Variants in SLC28A3 observed in about 807,000 individuals in gnomAD.
The protein encoded by SLC28A3 is solute carrier family 28 member 3, also known as concentrative Na(+)-nucleoside cotransporter 3.
SLC28A3 carries 68 observed loss-of-function variants against 84.2 expected under a neutral mutation model. The ratio of observed to expected loss-of-function variants is 0.81; its 90% CI spans 0.66 to 0.99. SLC28A3 has a LOEUF of 0.99. Among genes scored for constraint, SLC28A3 ranks in the 50% least tolerant of loss-of-function variants. The probability of loss-of-function intolerance (pLI) is 0.00; values close to 1 mark genes in which losing one functional copy is unlikely to be tolerated. For synonymous variants in SLC28A3, 267 were observed against 303.6 expected, an observed-to-expected ratio of 0.88 and a Z score of 1.25; for missense variants, 712 against 841.5, an observed-to-expected ratio of 0.85 and a Z score of 1.90.
chr9:84,349,105 G>C, the SLC28A3 span, among the ~76,000 whole-genome samples: 1 of 152,166 alleles, frequency 6.6e-6, no homozygotes, highest in Admixed American at 6.5e-5. Context: ...CAAAAAAGGA[G>C]TCAGCAAAGG....
At chr9:84,306,210 C>T (rs1005629234) in intron 3 of SLC28A3, among the ~76,000 whole-genome samples, 14 of 152,174 alleles carry the variant, frequency 9.2e-5, no homozygotes, top group African/African-American at 3.4e-4. Context: ...CCATTGTCCC[C>T]TCCAGGCCAC....
At chr9:84,360,897 T>C in the SLC28A3 span, among the ~76,000 whole-genome samples, 1 of 151,876 alleles carries the variant, frequency 6.6e-6, no homozygotes, top group African/African-American at 2.4e-5. Context: ...GAGCAAGACC[T>C]TGTCTCAAAA....
intron 15 of SLC28A3, 37 bp downstream of exon 15, chr9:84,280,764 C>G (rs374149371): frequency 2.1e-5 from 33 of 1,601,196 alleles, no homozygotes; most frequent in Non-Finnish European, 2.8e-5. Context: ...ATGTCTATGG[C>G]ACATCTGTGT....
In SLC28A3 at chr9:84,295,722, C is replaced by T. The variant is rs74691273; in HGVS notation, c.862-1447G>A. Among the ~76,000 whole-genome samples the T allele has an allele frequency of 8.5e-3, 1,301 of 152,266 alleles. 25 individuals are homozygous for T. Among genetic ancestry groups the T allele is most frequent in the African/African-American group, 0.03 (1,254 of 41,536 alleles). ...GAGAGCAGTTTCTACCCTGCATAGA[C>T]CACAAAGAGCTGTGGGCTGGGTCCC... On this transcript the variant is annotated intron_variant, in intron 8 of 17. Transcript: ENST00000376238.
rs368332766 is a variant in SLC28A3, at chr9:84,280,771, G to A, written c.1729+30C>T. 21 of 1,607,764 alleles carry A rather than the reference G, an allele frequency of 1.3e-5. 1 individual carries two copies. The South Asian group carries it at 1.9e-4, about 14-fold the overall frequency. On this transcript the variant is annotated intron_variant, in intron 15 of 17. Transcript: ENST00000376238. ...ATCCAAGTATGTCTATGGCACATCT[G>A]TGTTGTTGAAGAATGTTCTTTTCAC...
At chr9:84,334,913 T>G (rs1176797912) in intron 1 of SLC28A3, among the ~76,000 whole-genome samples, 1 of 152,106 alleles carries the variant, frequency 6.6e-6, no homozygotes, top group Non-Finnish European at 1.5e-5. Flanking sequence ...GGTTCTACTT[T>G]CCCTTGACTT....
At chr9:84,294,795 G>A (rs1330539592) in intron 8 of SLC28A3, among the ~76,000 whole-genome samples, 1 of 152,170 alleles carries the variant, frequency 6.6e-6, no homozygotes, top group East Asian at 1.9e-4. Context: ...CTAAGCGTGT[G>A]TGTTTGGAGT....
At chr9:84,334,628 A>ATT (rs201607400) in intron 1 of SLC28A3, among the ~76,000 whole-genome samples, 81 of 148,528 alleles carry the variant, frequency 5.5e-4, no homozygotes, top group Admixed American at 1.8e-3. Context: ...TTCACAACGA[A>ATT]TTTTTTTTTT....
intron 1 of SLC28A3, among the ~76,000 whole-genome samples, chr9:84,338,435 T>C (rs1827054217): frequency 6.6e-6 from 1 of 152,236 alleles, no homozygotes; most frequent in South Asian, 2.1e-4. Flanking sequence ...AGACAAATTG[T>C]CTTCACTATT....
At chr9:84,294,299 G>A (rs1375042843) in intron 8 of SLC28A3, 24 bp from the exon 9 acceptor site, 3 of 1,611,964 alleles carry the variant, frequency 1.9e-6, no homozygotes, top group Non-Finnish European at 1.7e-6. Context: ...AACAAACATG[G>A]ATTAATGATG....
At chr9:84,316,064 C>T (rs1313245207) in intron 1 of SLC28A3, among the ~76,000 whole-genome samples, 1 of 149,914 alleles carries the variant, frequency 6.7e-6, no homozygotes, top group East Asian at 1.9e-4. Flanking sequence ...TGATTGAGCC[C>T]CCTTTGAAGG....
At chr9:84,335,712 C>CGT (rs56259271) in intron 1 of SLC28A3, among the ~76,000 whole-genome samples, 27,901 of 148,736 alleles carry the variant, frequency 0.19, 2,857 homozygotes, top group African/African-American at 0.29. Context: ...TATGTATATA[C>CGT]GTGTGTGTGT....
intron 12 of SLC28A3, among the ~76,000 whole-genome samples, chr9:84,286,532 T>G (rs558891847): frequency 6.6e-6 from 1 of 151,006 alleles, no homozygotes; most frequent in Admixed American, 6.6e-5. Flanking sequence ...AGCGATCCTC[T>G]TATCTTAGCC....
At chr9:84,336,433 G>A (rs1826978769) in intron 1 of SLC28A3, among the ~76,000 whole-genome samples, 1 of 152,210 alleles carries the variant, frequency 6.6e-6, no homozygotes, top group African/African-American at 2.4e-5. Context: ...GAACCCAGGA[G>A]GTGGAGGTTG....
intron 4 of SLC28A3, 27 bp from the exon 5 acceptor site, chr9:84,302,416 G>A (rs1825668046): frequency 1.2e-6 from 2 of 1,605,616 alleles, no homozygotes; most frequent in African/African-American, 1.3e-5. Flanking sequence ...AACAGACACT[G>A]AACATCACTA....
the SLC28A3 span, among the ~76,000 whole-genome samples, chr9:84,358,484 A>C: frequency 1.3e-5 from 2 of 152,090 alleles, no homozygotes; most frequent in Non-Finnish European, 2.9e-5. Flanking sequence ...TAAGGAATGA[A>C]TCTTCAGGTT....
intron 2 of SLC28A3, among the ~76,000 whole-genome samples, chr9:84,311,748 C>T (rs539886990): frequency 9.9e-5 from 15 of 152,160 alleles, no homozygotes; most frequent in Admixed American, 3.3e-4. Context: ...CCCAACTACA[C>T]GGGAGGCTGA....
At chr9:84,311,461 G>T (rs1825985411) in intron 2 of SLC28A3, among the ~76,000 whole-genome samples, 1 of 151,944 alleles carries the variant, frequency 6.6e-6, no homozygotes, top group Admixed American at 6.6e-5. Context: ...TCTGCAGTGA[G>T]ACTCTCTTGG....
At chr9:84,296,262 G>A (rs1294158934) in intron 8 of SLC28A3, among the ~76,000 whole-genome samples, 1 of 152,190 alleles carries the variant, frequency 6.6e-6, no homozygotes, top group Non-Finnish European at 1.5e-5. Flanking sequence ...CCAGGTAGAG[G>A]TTGCTGGGGG....
Sources: gnomAD v4.1 joint callset for allele counts (sites outside exome capture counted in the v4.1 genomes callset) on GRCh38, gnomAD v4.1.1 for gene constraint, MANE v1.5 for transcripts, NCBI Gene and HGNC (gene_info 2026-07-23, HGNC 2026-07-21) for gene names.